Variants in TMEM41B observed in about 807,000 individuals in gnomAD.
TMEM41B encodes the protein protein stasimon.
Under a neutral mutation model 31.9 loss-of-function variants are expected in TMEM41B, and 18 were observed. That is an observed-to-expected ratio of 0.56 (90% CI 0.39 to 0.84). The LOEUF (loss-of-function observed/expected upper bound fraction) is 0.84, where lower values mean the gene tolerates loss of function less well. Among genes scored for constraint, TMEM41B ranks in the 40% least tolerant of loss-of-function variants. TMEM41B has a pLI of 0.00. For synonymous variants in TMEM41B, 144 were observed against 124.3 expected, an observed-to-expected ratio of 1.16 and a Z score of -1.05; for missense variants, 322 against 348.0, an observed-to-expected ratio of 0.93 and a Z score of 0.59.
At position 9,314,583 on chromosome 11, in the gene TMEM41B, GC is replaced by G; in HGVS notation, c.-143del. On this transcript the variant is annotated 5_prime_UTR_variant, in exon 1 of 7. Transcript: ENST00000528080. ...CCTCACCCGAGACGACCTCAGCCCA[GC>G]GAGTACTGCAACCTCCTGCAAACAC... 8.3e-7 allele frequency: 1 copy of G among 1,202,268 alleles called. No individual in the cohort carries two copies. The highest frequency in any genetic ancestry group is 1.1e-6 in the Non-Finnish European group (1 of 888,060). The allele number at this position is 1,202,268 out of a possible 1,614,324, so 74.5% of individuals were successfully genotyped here. A position where few individuals can be genotyped will look rare whatever the true frequency, so the allele number is the denominator to read the frequency against.
intron 3 of TMEM41B, among the ~76,000 whole-genome samples, chr11:9,294,647 C>A (rs2133622541): frequency 6.6e-6 from 1 of 152,092 alleles, no homozygotes; most frequent in South Asian, 2.1e-4. Context: ...CCACAATATG[C>A]AAAATTAAGC....
chr11:9,284,685 C>G (rs200659201), intron 6 of TMEM41B, among the ~76,000 whole-genome samples: 5 of 151,864 alleles, frequency 3.3e-5, no homozygotes, highest in East Asian at 1.9e-4. Context: ...ATCACTTGAA[C>G]CCAGGAGGCG....
intron 1 of TMEM41B, among the ~76,000 whole-genome samples, chr11:9,300,802 C>T (rs1346647006): frequency 4.0e-5 from 6 of 151,164 alleles, no homozygotes; most frequent in African/African-American, 1.5e-4. Flanking sequence ...GGTGTGAACC[C>T]GGGAGGCAGA....
intron 2 of TMEM41B, among the ~76,000 whole-genome samples, chr11:9,295,821 A>G (rs1160628951): frequency 6.6e-6 from 1 of 151,442 alleles, no homozygotes; most frequent in East Asian, 1.9e-4. Flanking sequence ...GGAGTGAGCA[A>G]CCGCACCTGG....
rs1852712027 is a variant in TMEM41B at position 9,281,205 on chromosome 11, A to G, written c.*2219T>C. The G allele has an allele frequency of 6.6e-6, 1 of 152,168 alleles. No individual in the cohort carries two copies. The highest frequency in any genetic ancestry group is 1.5e-5 in the Non-Finnish European group (1 of 68,030). The allele number at this position is 152,168 out of a possible 1,614,324, so 9.4% of individuals were successfully genotyped here. A position where few individuals can be genotyped will look rare whatever the true frequency, so the allele number is the denominator to read the frequency against. The stretch of plus-strand genomic sequence containing the variant: ...AAGCTCTTTTATTTTTAAAATTCTG[A>G]TAAAAATTTACTCAATTACATTTTA... On this transcript the variant is annotated 3_prime_UTR_variant, in exon 7 of 7. Coordinates refer to ENST00000528080, the MANE Select transcript of TMEM41B (RefSeq NM_015012.4).
At chr11:9,309,116 G>A (rs1048561044) in intron 1 of TMEM41B, among the ~76,000 whole-genome samples, 3 of 152,132 alleles carry the variant, frequency 2.0e-5, no homozygotes, top group Non-Finnish European at 4.4e-5. Flanking sequence ...GCGTGGTGAC[G>A]TGTGCCTGTA....
rs1226424558 is a variant in TMEM41B at position 9,281,879 on chromosome 11, T to C, written c.*1545A>G. ...TAAAAAGAATAATTACATAATATTA[T>C]TAAATATATTCCTTAATGACCAGAT... On this transcript the variant is annotated 3_prime_UTR_variant, in exon 7 of 7. Coordinates refer to ENST00000528080, the MANE Select transcript of TMEM41B (RefSeq NM_015012.4). 6.6e-6 allele frequency: 1 copy of C among 152,180 alleles called. No homozygotes were observed. The highest frequency in any genetic ancestry group is 1.5e-5 in the Non-Finnish European group (1 of 68,034). The allele number at this position is 152,180 out of a possible 1,614,324, so 9.4% of individuals were successfully genotyped here.
rs1852841278 is a variant in TMEM41B, at chr11:9,286,507, T to C, written c.654A>G (p.Thr218=). The C allele has an allele frequency of 3.7e-6, 6 of 1,612,742 alleles. No individual in the cohort carries two copies. The Admixed American group carries it at 8.4e-5, about 23-fold the overall frequency. ...TCAATGGCACGTTTATCACAGGAGA[T>C]GTGATATTAATAAACCAATTAGGCA... ...PFLPNWFINI[T]SPVINVPLKV... The change falls in exon 6 of 7, where the codon ACA becomes ACG. Residue 218 remains threonine (T), a synonymous_variant. Coordinates refer to ENST00000528080, the MANE Select transcript of TMEM41B (RefSeq NM_015012.4).
intron 6 of TMEM41B, among the ~76,000 whole-genome samples, chr11:9,284,167 G>GA (rs1491134614): frequency 6.6e-6 from 1 of 151,824 alleles, no homozygotes; most frequent in Non-Finnish European, 1.5e-5. Flanking sequence ...TTCTCCCCCC[G>GA]AGAGTTTGAC....
chr11:9,313,289 A>T (rs1843716285), intron 1 of TMEM41B, among the ~76,000 whole-genome samples: 2 of 152,254 alleles, frequency 1.3e-5, no homozygotes, highest in African/African-American at 4.8e-5. Context: ...TGACAGAGCC[A>T]AATTAGACTG....
intron 1 of TMEM41B, 143 bp downstream of exon 1, chr11:9,314,178 C>A: frequency 9.0e-7 from 1 of 1,113,468 alleles, no homozygotes; most frequent in Non-Finnish European, 1.2e-6. Flanking sequence ...AAGCCCAACT[C>A]CCCCACGGTC....
At chr11:9,309,634 T>C (rs933770003) in intron 1 of TMEM41B, among the ~76,000 whole-genome samples, 3 of 151,302 alleles carry the variant, frequency 2.0e-5, no homozygotes, top group Non-Finnish European at 2.9e-5. Flanking sequence ...GTCAGAACAA[T>C]ATTGTCAGCC....
rs1852866926 is a variant in TMEM41B, at chr11:9,287,724, TTC to T, written c.543_544del (p.Lys182SerfsTer9). 1.9e-6 allele frequency: 3 copies of T among 1,610,792 alleles called. No homozygotes were observed. Among genetic ancestry groups the T allele is most frequent in the African/African-American group, 1.3e-5 (1 of 74,894 alleles). ...TACCTGCTGTGACCATTTTACTGCT[TTC>T]TCTGTTAGGTATTTGTATACAACTG... On this transcript the variant is annotated frameshift_variant, in exon 5 of 7. Transcript: ENST00000528080. LOFTEE classifies it high-confidence loss of function.
chr11:9,294,279 G>A (rs941924679), intron 3 of TMEM41B, among the ~76,000 whole-genome samples: 1 of 150,086 alleles, frequency 6.7e-6, no homozygotes, highest in Non-Finnish European at 1.5e-5. Flanking sequence ...CAGATCACCT[G>A]AGGTCAGGGG....
intron 2 of TMEM41B, 106 bp from the exon 3 acceptor site, chr11:9,295,493 T>C (rs1853063617): frequency 4.5e-6 from 3 of 668,248 alleles, no homozygotes; most frequent in South Asian, 3.7e-5. Context: ...TGCCTTGATC[T>C]ATTAAGTCTA....
chr11:9,284,992 A>T (rs1258142771), intron 6 of TMEM41B, among the ~76,000 whole-genome samples: 1 of 152,088 alleles, frequency 6.6e-6, no homozygotes, highest in Non-Finnish European at 1.5e-5. Context: ...CTCTCTTTAG[A>T]TTCCATGGAT....
chr11:9,296,985 C>G (rs1251802080), intron 2 of TMEM41B, among the ~76,000 whole-genome samples: 1 of 152,282 alleles, frequency 6.6e-6, no homozygotes, highest in East Asian at 1.9e-4. Context: ...TGCAATGGCA[C>G]GATCATAGCT....
chr11:9,299,282 C>CGAA (rs1853180128), intron 2 of TMEM41B, among the ~76,000 whole-genome samples: 1 of 41,712 alleles, frequency 2.4e-5, no homozygotes, highest in African/African-American at 1.0e-4. Flanking sequence ...GACTCTGTCT[C>CGAA]AAAAAAAAAA....
At chr11:9,285,996 T>C (rs1464708781) in intron 6 of TMEM41B, among the ~76,000 whole-genome samples, 1 of 145,084 alleles carries the variant, frequency 6.9e-6, no homozygotes, top group Non-Finnish European at 1.5e-5. Context: ...GTGCCTGCAG[T>C]ACCAGCTCCT....
Sources: allele counts gnomAD v4.1 joint callset (sites outside exome capture counted in the v4.1 genomes callset), GRCh38; gene constraint gnomAD v4.1.1; transcripts MANE v1.5; gene names NCBI Gene and HGNC (gene_info 2026-07-23, HGNC 2026-07-21).